MX1: variants seen among roughly 807,000 people sequenced by gnomAD.
MX1 encodes MX dynamin like GTPase 1.
MX1 carries 66 observed loss-of-function variants against 66.4 expected under a neutral mutation model. The observed-to-expected ratio is 0.99, with a 90% CI of 0.82 to 1.22. The LOEUF is 1.22. Among genes scored for constraint, MX1 ranks in the 50% most tolerant of loss-of-function variants. The pLI is 0.00. For synonymous variants in MX1, 311 were observed against 318.1 expected, an observed-to-expected ratio of 0.98 and a Z score of 0.24; for missense variants, 787 against 834.3, an observed-to-expected ratio of 0.94 and a Z score of 0.70.
chr21:41,449,216 C>T lies in MX1; in HGVS notation c.1353C>T (p.Tyr451=), dbSNP rs747196372. 6.8e-6 allele frequency: 11 copies of T among 1,613,746 alleles called. No individual in the cohort carries two copies. The highest frequency in any genetic ancestry group is 9.3e-6 in the Non-Finnish European group (11 of 1,179,958). The change falls in exon 14 of 17, where the codon TAC becomes TAT. Residue 451 remains tyrosine, a synonymous_variant. Coordinates refer to ENST00000398598, the MANE Select transcript of MX1 (RefSeq NM_002462.5). ...RGRELPGFVN[Y]RTFETIVKQQ... Reference sequence around the variant, plus strand: ...GAGAGCTGCCAGGCTTTGTGAATTACAGGACATTTGAGACAATCGTGAAAC... The same window carrying T: ...GAGAGCTGCCAGGCTTTGTGAATTATAGGACATTTGAGACAATCGTGAAAC...
rs190030532 is a variant in MX1 at position 41,452,507 on chromosome 21, G to A, written c.1510-114G>A. On this transcript the variant is annotated intron_variant, in intron 15 of 16. Transcript: ENST00000398598. ...GGCCCAGAGGGCTGTTCCAGGAAAC[G>A]TGCTGTTTCACTCACGTTGGGTAAC... The A allele has an allele frequency of 1.2e-4, 145 of 1,209,426 alleles. 1 individual carries two copies. In the Middle Eastern group the frequency reaches 2.0e-3, roughly 16 times the overall value. The allele number at this position is 1,209,426 out of a possible 1,614,324, so 74.9% of individuals were successfully genotyped here. A position where few individuals can be genotyped will look rare whatever the true frequency, so the allele number is the denominator to read the frequency against.
intron 16 of MX1, among the ~76,000 whole-genome samples, chr21:41,454,890 A>T (rs1039914252): frequency 2.0e-5 from 3 of 150,680 alleles, no homozygotes; most frequent in Non-Finnish European, 4.4e-5. Context: ...GTCAGGATGA[A>T]GCTGAGATTC....
At chr21:41,427,021 C>G (rs538783285) in intron 1 of MX1, 185 bp from the exon 2 acceptor site, 2 of 152,330 alleles carry the variant, frequency 1.3e-5, no homozygotes, top group Non-Finnish European at 2.9e-5. Context: ...ACCTGCGCTC[C>G]CATCCCACCA....
At chr21:41,449,402 C>A in intron 14 of MX1, 107 bp downstream of exon 14, 1 of 1,146,066 alleles carries the variant, frequency 8.7e-7, no homozygotes, top group Non-Finnish European at 1.2e-6. Context: ...GCATCCCACA[C>A]CAACGAGCAA....
upstream of MX1, among the ~76,000 whole-genome samples, chr21:41,424,842 A>C (rs948966741): frequency 6.6e-6 from 1 of 152,262 alleles, no homozygotes; most frequent in Non-Finnish European, 1.5e-5. Flanking sequence ...CCCAACAAAG[A>C]AAGCAGCTAG....
Position 41,441,292 on chromosome 21 carries a change from C to A in MX1, c.730+267C>A. 2.1e-6 allele frequency: 1 copy of A among 471,500 alleles called. No individual in the cohort carries two copies. Among genetic ancestry groups the A allele is most frequent in the Non-Finnish European group, 3.8e-6 (1 of 259,766 alleles). The allele number at this position is 471,500 out of a possible 1,614,324, so 29.2% of individuals were successfully genotyped here. On this transcript the variant is annotated intron_variant, in intron 9 of 16. Transcript: ENST00000398598. The surrounding 1 kb of genome is among the most constrained non-coding windows in gnomAD (Gnocchi z 4.0). ...GCCCACCAAGGCCAAGTGAAATGAG[C>A]TGCTTTTGACTCTCACTGGCTAGGT... is the stretch of plus-strand genomic sequence containing the variant.
chr21:41,436,654 G>T (rs1053260521), intron 6 of MX1, among the ~76,000 whole-genome samples: 1 of 152,132 alleles, frequency 6.6e-6, no homozygotes, highest in Non-Finnish European at 1.5e-5. Flanking sequence ...TTCCTAATGG[G>T]GGTAGAGTGT....
intron 10 of MX1, 105 bp downstream of exon 10, chr21:41,442,019 G>GTGTGTC (rs2090533858): frequency 9.7e-7 from 1 of 1,033,424 alleles, no homozygotes; most frequent in Non-Finnish European, 1.5e-6. Flanking sequence ...GTGTGTGTGT[G>GTGTGTC]TGTGTGCGTG....
At chr21:41,453,605 A>G (rs1277186798) in intron 16 of MX1, among the ~76,000 whole-genome samples, 1 of 152,246 alleles carries the variant, frequency 6.6e-6, no homozygotes, top group Non-Finnish European at 1.5e-5. Flanking sequence ...AAAGAGGTTT[A>G]TTCTGAGCCA....
At chr21:41,443,920 C>T (rs1442143998) in intron 11 of MX1, 54 bp downstream of exon 11, 2 of 1,506,338 alleles carry the variant, frequency 1.3e-6, no homozygotes, top group Non-Finnish European at 9.2e-7. Flanking sequence ...GACCGCAGAG[C>T]TGAACCTTGC....
chr21:41,448,905 A>C (rs1452779097), intron 13 of MX1, among the ~76,000 whole-genome samples: 1 of 146,900 alleles, frequency 6.8e-6, no homozygotes, highest in Non-Finnish European at 1.5e-5. Flanking sequence ...GAGATGACTA[A>C]GGAAAATTAT....
chr21:41,449,147 T>G lies in MX1; in HGVS notation c.1284T>G (p.Ile428Met). 2 of 1,610,624 alleles carry G rather than the reference T, an allele frequency of 1.2e-6. No individual in the cohort carries two copies. Among genetic ancestry groups the G allele is most frequent in the East Asian group, 4.5e-5 (2 of 44,808 alleles). ...TTTTTCCTGCTATAGGCCATAAAATTTTGAGTAGAAAAATCCAGAAATTTG... is the reference window on the plus strand; with the variant it reads ...TTTTTCCTGCTATAGGCCATAAAATGTTGAGTAGAAAAATCCAGAAATTTG... ...IENNFQEGHK[I>M]LSRKIQKFEN... Residue 428 changes from isoleucine (I) to methionine (M), a missense_variant, in exon 14 of 17, where the codon ATT (isoleucine) becomes ATG (methionine). Coordinates refer to ENST00000398598, the MANE Select transcript of MX1 (RefSeq NM_002462.5).
intron 16 of MX1, among the ~76,000 whole-genome samples, chr21:41,457,369 C>T (rs2090984092): frequency 6.6e-6 from 1 of 152,318 alleles, no homozygotes; most frequent in Middle Eastern, 3.4e-3. Context: ...TATTGCCATA[C>T]TTTAAAAGGA....
chr21:41,443,573 C>T (rs2090576484), intron 10 of MX1: 1 of 574,114 alleles, frequency 1.7e-6, no homozygotes, highest in African/African-American at 1.9e-5. Context: ...GCTGGAAGAG[C>T]TCATTCCATA....
rs2090536209 is a variant in MX1, at chr21:41,442,032, TGTGTGTGC to T, written c.929+120_929+127del. 1.6e-5 allele frequency: 9 copies of T among 579,388 alleles called. No homozygotes were observed. In the Admixed American group the frequency reaches 2.0e-4, roughly 13 times the overall value. The allele number at this position is 579,388 out of a possible 1,614,324, so 35.9% of individuals were successfully genotyped here. On this transcript the variant is annotated intron_variant, in intron 10 of 16. Transcript: ENST00000398598. ...GTGTGTGTGTGTGTGTGTGCGTGTG[TGTGTGTGC>T]GCGTGTGTGTGTGACTATGCTTGTT... is the stretch of plus-strand genomic sequence containing the variant.
rs1486990640 is a variant in MX1 at position 41,441,561 on chromosome 21, G to A, written c.731-155G>A. ...TTGTCGTGGAGTTCTTTTCTGGAGC[G>A]GGGCTCCACTGCCCCCATGGTTCTG... On this transcript the variant is annotated intron_variant, in intron 9 of 16. Coordinates refer to ENST00000398598, the MANE Select transcript of MX1 (RefSeq NM_002462.5). The surrounding 1 kb of genome is among the most constrained non-coding windows in gnomAD (Gnocchi z 4.0). 2.5e-5 allele frequency: 18 copies of A among 725,944 alleles called. No individual in the cohort carries two copies. Among genetic ancestry groups the A allele is most frequent in the South Asian group, 5.1e-5 (3 of 59,200 alleles). 45.0% of individuals were successfully genotyped at this position (725,944 alleles called of 1,614,324 possible).
chr21:41,426,849 C>CT (rs995306995), intron 1 of MX1: 1 of 152,150 alleles, frequency 6.6e-6, no homozygotes, highest in African/African-American at 2.4e-5. Flanking sequence ...GCTGTTCCCC[C>CT]CCACCGCCCC....
At chr21:41,435,690 A>G in intron 5 of MX1, 147 bp from the exon 6 acceptor site, 4 of 870,164 alleles carry the variant, frequency 4.6e-6, no homozygotes, top group Non-Finnish European at 7.1e-6. Context: ...CCCACAATCC[A>G]ATTACCTCCA....
At chr21:41,423,366 TC>T (rs1321989156), upstream of MX1, 2 of 152,058 alleles carry the variant, frequency 1.3e-5, no homozygotes, top group African/African-American at 4.8e-5. Flanking sequence ...AAAACAGACG[TC>T]CCATACAAAG....
Sources: allele counts gnomAD v4.1 joint callset (sites outside exome capture counted in the v4.1 genomes callset), GRCh38; gene constraint gnomAD v4.1.1; non-coding constraint Gnocchi (gnomAD v3.1); transcripts MANE v1.5; gene names NCBI Gene and HGNC (gene_info 2026-07-23, HGNC 2026-07-21).